SYT3: variants seen among roughly 807,000 people sequenced by gnomAD.
SYT3 encodes the protein synaptotagmin-3.
Under a neutral mutation model 50.6 loss-of-function variants are expected in SYT3, and 25 were observed. That is an observed-to-expected ratio of 0.49 (90% CI 0.36 to 0.69). The LOEUF (loss-of-function observed/expected upper bound fraction) is 0.69, where lower values mean the gene tolerates loss of function less well. Among genes scored for constraint, SYT3 ranks in the 30% least tolerant of loss-of-function variants. SYT3 has a pLI of 0.00. For synonymous variants in SYT3, 323 were observed against 353.9 expected, an observed-to-expected ratio of 0.91 and a Z score of 0.98; for missense variants, 589 against 793.6, an observed-to-expected ratio of 0.74 and a Z score of 3.10.
the SYT3 span, among the ~76,000 whole-genome samples, chr19:50,648,310 A>C: frequency 6.6e-6 from 1 of 152,200 alleles, no homozygotes; most frequent in African/African-American, 2.4e-5. Flanking sequence ...GCCACTGAAC[A>C]AATCACTGAG....
intron 4 of SYT3, 96 bp from the exon 5 acceptor site, chr19:50,630,267 AT>A: frequency 1.6e-6 from 2 of 1,268,960 alleles, no homozygotes; most frequent in Non-Finnish European, 2.1e-6. Context: ...CTTTCCCCCC[AT>A]CCCCCAGCCA....
chr19:50,654,119 C>T, the SYT3 span, among the ~76,000 whole-genome samples: 1 of 151,998 alleles, frequency 6.6e-6, no homozygotes, highest in Admixed American at 6.5e-5. Flanking sequence ...GTTTTATGTT[C>T]GGCAGGAGAG....
chr19:50,635,536 G>A (rs1036504162), intron 3 of SYT3, among the ~76,000 whole-genome samples: 5 of 152,104 alleles, frequency 3.3e-5, no homozygotes, highest in East Asian at 1.9e-4. Context: ...ATCAGCTCCC[G>A]GGAGGGAACC....
chr19:50,634,694 G>T (rs1481362966), intron 3 of SYT3, among the ~76,000 whole-genome samples: 1 of 146,962 alleles, frequency 6.8e-6, no homozygotes, highest in Non-Finnish European at 1.5e-5. Flanking sequence ...AGCACTTCCT[G>T]TGCCTGAGCC....
At chr19:50,649,170 A>G in the SYT3 span, among the ~76,000 whole-genome samples, 1 of 131,874 alleles carries the variant, frequency 7.6e-6, no homozygotes, top group Non-Finnish European at 1.6e-5. Flanking sequence ...AGGTGGAGAG[A>G]GAGGGGTGGG....
At chr19:50,642,454 C>T (rs1041950777), upstream of SYT3, among the ~76,000 whole-genome samples, 10 of 152,222 alleles carry the variant, frequency 6.6e-5, no homozygotes, top group African/African-American at 2.4e-4. Context: ...AGCTCTGCTC[C>T]CCTCTCTATG....
At chr19:50,657,757 A>C in the SYT3 span, among the ~76,000 whole-genome samples, 1 of 152,238 alleles carries the variant, frequency 6.6e-6, no homozygotes, top group East Asian at 1.9e-4. Flanking sequence ...GTGAGAATTG[A>C]TTTTTTTGGA....
chr19:50,625,770 A>G lies in SYT3; in HGVS notation c.1402+127T>C. The G allele has an allele frequency of 1.5e-6, 1 of 665,642 alleles. No individual in the cohort carries two copies. The highest frequency in any genetic ancestry group is 2.1e-5 in the African/African-American group (1 of 47,762). 41.2% of individuals were successfully genotyped at this position (665,642 alleles called of 1,614,324 possible). ...CCAGGCCCCTGGCCCCTCCTCCCTC[A>G]GACCCAGGAGTCCAGATCCCCAGCT... On this transcript the variant is annotated intron_variant, in intron 7 of 10. Transcript: ENST00000600079. The surrounding 1 kb of genome is among the most constrained non-coding windows in gnomAD (Gnocchi z 7.5).
rs374968984 is a variant in SYT3 at position 50,623,855 on chromosome 19, T to C, written c.1708-1100A>G. ...AGATTTTAAAAAAAATCAAAATTAATGCAAAAAAATCAATGATGAAGAAAA... is the reference window on the plus strand; with the variant it reads ...AGATTTTAAAAAAAATCAAAATTAACGCAAAAAAATCAATGATGAAGAAAA... On this transcript the variant is annotated intron_variant, in intron 9 of 10. Transcript: ENST00000600079. 1.5e-4 allele frequency among the ~76,000 whole-genome samples: 23 copies of C among 151,368 alleles called. No individual in the cohort carries two copies. The East Asian group carries it at 1.9e-3, about 13-fold the overall frequency.
At chr19:50,652,040 T>C in the SYT3 span, among the ~76,000 whole-genome samples, 2 of 152,134 alleles carry the variant, frequency 1.3e-5, no homozygotes, top group African/African-American at 2.4e-5. Flanking sequence ...CTGGCATGAA[T>C]TGACACCATT....
At position 50,632,355 on chromosome 19, in the gene SYT3, G is replaced by A. The variant is rs1484519538; in HGVS notation, c.605C>T (p.Pro202Leu). The change falls in exon 4 of 11, where the codon CCC (proline) becomes CTC (leucine). Residue 202 changes from proline to leucine, a missense_variant. Pro to Leu is a moderately conservative substitution (Grantham distance 98). This residue lies in a region of SYT3 where 316 missense variants were observed against 354.3 expected (regional missense o/e 0.89). Transcript: ENST00000600079. This position sits in a 1 kb window ranked among gnomAD's most constrained non-coding sequence, Gnocchi z 4.7. The part of the protein sequence containing the change: ...GGAGSGLLLL[P>L]PSGGGLPSAQ... ...ACTGGGCAAGCCCCCACCACTGGGG[G>A]GCAGCAGGAGCAACCCAGAGCCTGC... is the stretch of plus-strand genomic sequence containing the variant. The A allele has an allele frequency of 6.2e-7, 1 of 1,609,130 alleles. No individual in the cohort carries two copies. Among genetic ancestry groups the A allele is most frequent in the South Asian group, 1.1e-5 (1 of 90,980 alleles).
At position 50,632,395 on chromosome 19, in the gene SYT3, G is replaced by A. The variant is rs1426122088; in HGVS notation, c.565C>T (p.Pro189Ser). 6.2e-7 allele frequency: 1 copy of A among 1,613,576 alleles called. No homozygotes were observed. The highest frequency in any genetic ancestry group is 1.1e-5 in the South Asian group (1 of 91,080). The change falls in exon 4 of 11, where the codon CCC becomes TCC. Residue 189 changes from proline (P) to serine (S), a missense_variant. Pro to Ser is a moderately conservative substitution (Grantham distance 74). Transcript: ENST00000600079. This position sits in a 1 kb window ranked among gnomAD's most constrained non-coding sequence, Gnocchi z 4.7. ...VKPSQTSPEL[P>S]SEGGAGSGLL... The stretch of plus-strand genomic sequence containing the variant: ...CCAGAGCCTGCTCCCCCCTCAGAGG[G>A]CAGCTCAGGGGATGTTTGGCTCGGT...
At chr19:50,641,415 C>T (rs1332805690), upstream of SYT3, among the ~76,000 whole-genome samples, 8 of 150,702 alleles carry the variant, frequency 5.3e-5, no homozygotes, top group African/African-American at 1.2e-4. Flanking sequence ...GTGATCCACC[C>T]GCCTCGGCCT....
Position 50,632,250 on chromosome 19 carries a change from T to G in SYT3, c.674+36A>C. The G allele has an allele frequency of 6.6e-7, 1 of 1,518,856 alleles. No homozygotes were observed. Among genetic ancestry groups the G allele is most frequent in the Non-Finnish European group, 8.8e-7 (1 of 1,130,374 alleles). The allele number at this position is 1,518,856 out of a possible 1,614,324, so 94.1% of individuals were successfully genotyped here. A position where few individuals can be genotyped will look rare whatever the true frequency, so the allele number is the denominator to read the frequency against. On this transcript the variant is annotated intron_variant, in intron 4 of 10. Coordinates refer to ENST00000600079, the MANE Select transcript of SYT3 (RefSeq NM_001160329.2). This position sits in a 1 kb window ranked among gnomAD's most constrained non-coding sequence, Gnocchi z 4.7. ...AAGAGACACAGAGGAGGAGCAGAAG[T>G]TCAGAGTGGACCCCCAACCCAGTAT...
intron 9 of SYT3, chr19:50,624,935 C>G: frequency 2.4e-6 from 1 of 412,326 alleles, no homozygotes; most frequent in Non-Finnish European, 4.2e-6. Flanking sequence ...TCACCTCTAT[C>G]CTAACAGAAG....
the SYT3 span, chr19:50,649,585 G>C: frequency 3.4e-6 from 5 of 1,474,568 alleles, no homozygotes; most frequent in Non-Finnish European, 3.7e-6. Flanking sequence ...CGGGCTCACA[G>C]TGTGGCCTTA....
At position 50,625,403 on chromosome 19, in the gene SYT3, C is replaced by T; in HGVS notation, c.1564G>A (p.Asp522Asn). 6.4e-7 allele frequency: 1 copy of T among 1,552,238 alleles called. No homozygotes were observed. Among genetic ancestry groups the T allele is most frequent in the Non-Finnish European group, 8.7e-7 (1 of 1,148,250 alleles). ...ENVGLSIAVV[D>N]YDCIGHNEVI... is the part of the protein sequence containing the mutation. The stretch of plus-strand genomic sequence containing the variant: ...GGCCGCGCCCCTCACCAGTCGTAGT[C>T]TACCACGGCGATGCTGAGCCCCACG... The change falls in exon 8 of 11, where the codon GAC becomes AAC. Residue 522 changes from aspartate (D) to asparagine (N), a missense_variant. Physicochemically the swap from Asp to Asn is conservative, Grantham distance 23. Around this residue, in one of 2 missense-constraint regions of SYT3, gnomAD observed 273 missense variants for 439.3 expected, o/e 0.62. Transcript: ENST00000600079. This position sits in a 1 kb window ranked among gnomAD's most constrained non-coding sequence, Gnocchi z 7.5.
rs899720753 is a variant in SYT3, at chr19:50,639,635, C to G, written c.-154+155G>C. On this transcript the variant is annotated intron_variant, in intron 1 of 10. Coordinates refer to ENST00000600079, the MANE Select transcript of SYT3 (RefSeq NM_001160329.2). This position sits in a 1 kb window ranked among gnomAD's most constrained non-coding sequence, Gnocchi z 4.6. The stretch of plus-strand genomic sequence containing the variant: ...CCCCCTTCCAGGGCCACGTGCCCCT[C>G]CCCCGGGGTGGCCAGAGAGCGCTGC... Among the ~76,000 whole-genome samples the G allele has an allele frequency of 2.0e-5, 3 of 151,898 alleles. No individual in the cohort carries two copies. Among genetic ancestry groups the G allele is most frequent in the African/African-American group, 7.2e-5 (3 of 41,392 alleles).
intron 3 of SYT3, among the ~76,000 whole-genome samples, chr19:50,634,721 C>T (rs145976872): frequency 3.9e-4 from 59 of 151,550 alleles, no homozygotes; most frequent in African/African-American, 1.4e-3. Flanking sequence ...GTAGCTGGAA[C>T]AACAAGTGGG....
Sources: gnomAD v4.1 joint callset for allele counts (sites outside exome capture counted in the v4.1 genomes callset) on GRCh38, gnomAD v4.1.1 for gene constraint, gnomAD v4.1.1 regional missense constraint, Gnocchi (gnomAD v3.1) non-coding constraint, MANE v1.5 for transcripts, NCBI Gene and HGNC (gene_info 2026-07-23, HGNC 2026-07-21) for gene names.